NLGN1: variants seen among roughly 807,000 people sequenced by gnomAD.
The protein encoded by NLGN1 is neuroligin 1.
A neutral mutation model predicts 65.5 loss-of-function variants in NLGN1; 12 were observed. That is an observed-to-expected ratio of 0.18 (90% CI 0.12 to 0.30). The LOEUF (loss-of-function observed/expected upper bound fraction) is 0.30, where lower values mean the gene tolerates loss of function less well. Among genes scored for constraint, NLGN1 ranks in the 10% least tolerant of loss-of-function variants. The pLI, the probability that NLGN1 is intolerant of heterozygous loss-of-function variation, is 1.00. For missense variants in NLGN1, 750 were observed against 1,007.1 expected, an observed-to-expected ratio of 0.74 and a Z score of 3.46; for synonymous variants, 350 against 359.5, an observed-to-expected ratio of 0.97 and a Z score of 0.30.
At chr3:173,685,199 A>G (rs1260253457) in intron 3 of NLGN1, among the ~76,000 whole-genome samples, 1 of 152,164 alleles carries the variant, frequency 6.6e-6, no homozygotes, top group Non-Finnish European at 1.5e-5. Flanking sequence ...CAATTTAAAT[A>G]AGTTGCTCCC....
intron 4 of NLGN1, among the ~76,000 whole-genome samples, chr3:173,982,808 T>C (rs1256236298): frequency 1.3e-5 from 2 of 152,138 alleles, no homozygotes; most frequent in Non-Finnish European, 2.9e-5. Context: ...CAGTAAAACA[T>C]ATCAGGCCCA....
At chr3:173,438,375 T>G (rs1718535488) in intron 2 of NLGN1, among the ~76,000 whole-genome samples, 1 of 152,146 alleles carries the variant, frequency 6.6e-6, no homozygotes, top group Admixed American at 6.5e-5. Context: ...ACATATCGTC[T>G]TTCCTATTAA....
At chr3:173,553,594 C>G (rs1031434581) in intron 2 of NLGN1, among the ~76,000 whole-genome samples, 3 of 152,120 alleles carry the variant, frequency 2.0e-5, no homozygotes, top group African/African-American at 7.2e-5. Context: ...GAAAAATGAC[C>G]TCAGAGGTCA....
At chr3:174,051,705 A>G (rs1453981482) in intron 4 of NLGN1, among the ~76,000 whole-genome samples, 1 of 152,052 alleles carries the variant, frequency 6.6e-6, no homozygotes, top group African/African-American at 2.4e-5. Flanking sequence ...TCAAACTAAT[A>G]AAATATTTCT....
At chr3:173,451,982 GA>G (rs1238169232) in intron 2 of NLGN1, among the ~76,000 whole-genome samples, 1 of 152,194 alleles carries the variant, frequency 6.6e-6, no homozygotes, top group Non-Finnish European at 1.5e-5. Flanking sequence ...CTAGGAAAGG[GA>G]ATTCCCTGAC....
chr3:173,400,087 G>C lies in NLGN1; in HGVS notation c.-390+1600G>C, dbSNP rs183769693. On this transcript the variant is annotated intron_variant, in intron 1 of 6. Transcript: ENST00000457714. Reference sequence around the variant, plus strand: ...AGTAACAGTAGTATTAGAAACTGCAGCTGTGTAACATATACCTTTGCCACA... The same window carrying C: ...AGTAACAGTAGTATTAGAAACTGCACCTGTGTAACATATACCTTTGCCACA... 9.2e-5 allele frequency among the ~76,000 whole-genome samples: 14 copies of C among 152,290 alleles called. No individual in the cohort carries two copies. In the East Asian group the frequency reaches 2.7e-3, roughly 29 times the overall value.
intron 1 of NLGN1, among the ~76,000 whole-genome samples, chr3:173,420,194 T>G (rs1391277989): frequency 2.0e-5 from 3 of 152,084 alleles, no homozygotes; most frequent in Non-Finnish European, 4.4e-5. Flanking sequence ...TCATTTAGCA[T>G]TAAGTATATC....
intron 2 of NLGN1, among the ~76,000 whole-genome samples, chr3:173,493,331 A>C (rs1329227730): frequency 2.6e-5 from 4 of 151,738 alleles, no homozygotes; most frequent in African/African-American, 9.7e-5. Context: ...ACTCATTTTT[A>C]CATGCTCCTT....
At chr3:174,013,008 T>C (rs764183524) in intron 4 of NLGN1, among the ~76,000 whole-genome samples, 1 of 152,142 alleles carries the variant, frequency 6.6e-6, no homozygotes, top group Non-Finnish European at 1.5e-5. Context: ...ACATGGACAG[T>C]AACATCATCA....
intron 4 of NLGN1, among the ~76,000 whole-genome samples, chr3:174,059,465 T>G (rs1736917820): frequency 6.6e-6 from 1 of 152,116 alleles, no homozygotes; most frequent in Non-Finnish European, 1.5e-5. Flanking sequence ...AGTAATCAAA[T>G]TAGAGGATGA....
At chr3:173,552,369 A>G (rs1741015522) in intron 2 of NLGN1, among the ~76,000 whole-genome samples, 1 of 152,058 alleles carries the variant, frequency 6.6e-6, no homozygotes, top group African/African-American at 2.4e-5. Context: ...TTTTTTCTCA[A>G]AGGATCTATG....
chr3:173,452,320 G>T (rs953255839), intron 2 of NLGN1, among the ~76,000 whole-genome samples: 10 of 152,038 alleles, frequency 6.6e-5, no homozygotes, highest in African/African-American at 2.2e-4. Context: ...AAGTAGCTGG[G>T]ACTACAGGTG....
At chr3:173,518,062 T>A (rs142462890) in intron 2 of NLGN1, among the ~76,000 whole-genome samples, 115 of 152,176 alleles carry the variant, frequency 7.6e-4, no homozygotes, top group Middle Eastern at 3.4e-3. Flanking sequence ...TTTTGAAAGG[T>A]TTTACTAAGT....
chr3:173,741,714 A>G (rs76826995), intron 3 of NLGN1, among the ~76,000 whole-genome samples: 12,784 of 152,020 alleles, frequency 0.084, 518 homozygotes, highest in Middle Eastern at 0.13. Context: ...GCTGATCTCG[A>G]TCTCCTGACC....
At chr3:174,277,947 A>G (rs536631870) in intron 5 of NLGN1, among the ~76,000 whole-genome samples, 1 of 152,098 alleles carries the variant, frequency 6.6e-6, no homozygotes, top group East Asian at 1.9e-4. Context: ...AAAATAAACT[A>G]TATTTTTAAA....
chr3:173,825,434 AT>A (rs1162222926), intron 4 of NLGN1, among the ~76,000 whole-genome samples: 3 of 152,020 alleles, frequency 2.0e-5, no homozygotes, highest in African/African-American at 7.2e-5. Flanking sequence ...ATTGATTTTG[AT>A]TTTTATATCC....
intron 2 of NLGN1, among the ~76,000 whole-genome samples, chr3:173,475,247 T>C (rs1725994250): frequency 6.6e-6 from 1 of 152,192 alleles, no homozygotes; most frequent in Non-Finnish European, 1.5e-5. Flanking sequence ...CAGTCAAAGC[T>C]ATTTATACAT....
intron 4 of NLGN1, among the ~76,000 whole-genome samples, chr3:174,152,830 G>A (rs1169460557): frequency 2.6e-5 from 4 of 151,968 alleles, no homozygotes; most frequent in South Asian, 2.1e-4. Flanking sequence ...AATATAACAC[G>A]ATAATCCTAA....
chr3:174,291,022 A>T (rs979563525), downstream of NLGN1, among the ~76,000 whole-genome samples: 1 of 150,834 alleles, frequency 6.6e-6, no homozygotes, highest in African/African-American at 2.4e-5. Flanking sequence ...AATTATAAAT[A>T]AAAGAAAAAA....
Sources: gnomAD v4.1 joint callset for allele counts (sites outside exome capture counted in the v4.1 genomes callset) on GRCh38, gnomAD v4.1.1 for gene constraint, MANE v1.5 for transcripts, NCBI Gene and HGNC (gene_info 2026-07-23, HGNC 2026-07-21) for gene names.